The following AADACL3 variants were observed in gnomAD, a reference collection of about 807,000 sequenced individuals.
AADACL3 encodes the protein arylacetamide deacetylase-like 3.
A neutral mutation model predicts 13.6 loss-of-function variants in AADACL3; 13 were observed. The observed-to-expected ratio is 0.95, with a 90% CI of 0.62 to 1.52. AADACL3 has a LOEUF of 1.52. Among genes scored for constraint, AADACL3 ranks in the 40% most tolerant of loss-of-function variants. The pLI is 0.00. For missense variants in AADACL3, 519 were observed against 499.2 expected (o/e 1.04, Z -0.38); for synonymous variants, 195 against 197.0 (o/e 0.99, Z 0.08).
chr1:12,719,831 G>A, intron 2 of AADACL3, 140 bp downstream of exon 2: 1 of 807,692 alleles, frequency 1.2e-6, no homozygotes, highest in Non-Finnish European at 2.0e-6. Context: ...GCAGATCATT[G>A]AGGGGGCAAA....
At chr1:12,721,477 G>A (rs1312291889) in intron 3 of AADACL3, among the ~76,000 whole-genome samples, 1 of 152,174 alleles carries the variant, frequency 6.6e-6, no homozygotes, top group African/African-American at 2.4e-5. Flanking sequence ...AGAGAATGGG[G>A]AACCCCTTCC....
chr1:12,718,043 G>A (rs548312436), intron 1 of AADACL3, among the ~76,000 whole-genome samples: 2 of 152,116 alleles, frequency 1.3e-5, no homozygotes, highest in South Asian at 2.1e-4. Flanking sequence ...TAGATATTGC[G>A]AAAACTCATG....
At chr1:12,718,425 C>T (rs1648489369) in intron 1 of AADACL3, among the ~76,000 whole-genome samples, 2 of 150,524 alleles carry the variant, frequency 1.3e-5, no homozygotes, top group African/African-American at 4.9e-5. Context: ...GCCAAAATGG[C>T]TGTGGCACAG....
intron 3 of AADACL3, among the ~76,000 whole-genome samples, chr1:12,721,466 CAG>C (rs1407316771): frequency 6.6e-6 from 1 of 152,118 alleles, no homozygotes; most frequent in African/African-American, 2.4e-5. Context: ...GATGGAGAGA[CAG>C]AGAATGGGGA....
At position 12,727,265 on chromosome 1, in the gene AADACL3, G is replaced by C. The variant is rs1466945512; in HGVS notation, c.*1269G>C. The C allele has an allele frequency of 6.6e-6, 1 of 152,246 alleles. No homozygotes were observed. The highest frequency in any genetic ancestry group is 1.5e-5 in the Non-Finnish European group (1 of 68,070). 9.4% of individuals were successfully genotyped at this position (152,246 alleles called of 1,614,324 possible). On this transcript the variant is annotated 3_prime_UTR_variant, in exon 4 of 4. Transcript: ENST00000359318. Reference sequence around the variant, plus strand: ...AAGTCCTATGCCATCCTGAGAGTGGGGGGTGGAGTCAATTCACCTTGGTGC... The same window carrying C: ...AAGTCCTATGCCATCCTGAGAGTGGCGGGTGGAGTCAATTCACCTTGGTGC...
intron 3 of AADACL3, among the ~76,000 whole-genome samples, chr1:12,722,780 G>A (rs1287527125): frequency 6.6e-6 from 1 of 151,938 alleles, no homozygotes; most frequent in Non-Finnish European, 1.5e-5. Flanking sequence ...AGGTAGGCAG[G>A]GCAGCCATGG....
At position 12,725,382 on chromosome 1, in the gene AADACL3, C is replaced by T; in HGVS notation, c.610C>T (p.Gln204Ter). 1 of 1,614,132 alleles carries T rather than the reference C, an allele frequency of 6.2e-7. No individual in the cohort carries two copies. Among genetic ancestry groups the T allele is most frequent in the South Asian group, 1.1e-5 (1 of 91,054 alleles). ...AGGGGCAATAGCCGCAGTGGTTTGT[C>T]AACAACTTGTGGACAGGCCAGATCT... ...FGGAIAAVVC[Q>*]QLVDRPDLPR... The change falls in exon 4 of 4, where the codon CAA (glutamine) becomes TAA (stop). Residue 204 changes from glutamine (Q) to a stop codon, truncating the protein, a stop_gained. Transcript: ENST00000359318. LOFTEE classifies it low-confidence loss of function (END_TRUNC).
intron 1 of AADACL3, among the ~76,000 whole-genome samples, chr1:12,716,745 A>G (rs1229865219): frequency 6.6e-6 from 1 of 152,204 alleles, no homozygotes; most frequent in African/African-American, 2.4e-5. Context: ...ACGTGTCCAT[A>G]AATGTGTCCA....
chr1:12,717,766 G>C (rs758372019), intron 1 of AADACL3, among the ~76,000 whole-genome samples: 4 of 152,162 alleles, frequency 2.6e-5, no homozygotes, highest in Non-Finnish European at 5.9e-5. Context: ...AGCCGAGCAG[G>C]GCTTCTCTCC....
intron 1 of AADACL3, among the ~76,000 whole-genome samples, chr1:12,718,596 A>C (rs3000856): frequency 1.3e-5 from 2 of 151,922 alleles, no homozygotes; most frequent in East Asian, 1.9e-4. Flanking sequence ...TCTAGGGTTC[A>C]AGAGATTCTT....
rs1638368470 is a variant in AADACL3 at position 12,726,224 on chromosome 1, C to T, written c.*228C>T. The T allele has an allele frequency of 1.8e-6, 1 of 545,712 alleles. No homozygotes were observed. The allele number at this position is 545,712 out of a possible 1,614,324, so 33.8% of individuals were successfully genotyped here. ...AGGTGGGAGTGTGGCTGTCTCTATT[C>T]TCTGTTGGGAAAACCTGGGCTGACA... On this transcript the variant is annotated 3_prime_UTR_variant, in exon 4 of 4. Transcript: ENST00000359318.
intron 3 of AADACL3, among the ~76,000 whole-genome samples, chr1:12,722,991 A>C (rs1638298352): frequency 6.6e-6 from 1 of 152,066 alleles, no homozygotes; most frequent in African/African-American, 2.4e-5. Context: ...AACACCAGCT[A>C]ATTTATTTAA....
chr1:12,719,326 C>T, intron 1 of AADACL3, 149 bp from the exon 2 acceptor site: 3 of 761,976 alleles, frequency 3.9e-6, no homozygotes, highest in East Asian at 4.9e-5. Context: ...CCTGAGGGAA[C>T]TGAGGGCTTG....
chr1:12,722,197 TG>T (rs1638273071), intron 3 of AADACL3, among the ~76,000 whole-genome samples: 1 of 151,892 alleles, frequency 6.6e-6, no homozygotes, highest in African/African-American at 2.4e-5. Flanking sequence ...TGTGGTGGCA[TG>T]TGCCTGTAGC....
At position 12,728,587 on chromosome 1, in the gene AADACL3, C is replaced by G. The variant is rs1638419081; in HGVS notation, c.*2591C>G. ...TCTGCGTGGGTTTTCTCTGAGTTCT[C>G]CAGCTTCCTCCCACATTCCAAAGAT... On this transcript the variant is annotated 3_prime_UTR_variant, in exon 4 of 4. Coordinates refer to ENST00000359318, the MANE Select transcript of AADACL3 (RefSeq NM_001103170.3). The G allele has an allele frequency of 6.6e-6, 1 of 152,318 alleles. No homozygotes were observed. The highest frequency in any genetic ancestry group is 2.4e-5 in the African/African-American group (1 of 41,454). The allele number at this position is 152,318 out of a possible 1,614,324, so 9.4% of individuals were successfully genotyped here. A position where few individuals can be genotyped will look rare whatever the true frequency, so the allele number is the denominator to read the frequency against.
chr1:12,721,381 C>A (rs377509845), intron 3 of AADACL3, among the ~76,000 whole-genome samples: 1 of 151,960 alleles, frequency 6.6e-6, no homozygotes, highest in African/African-American at 2.4e-5. Flanking sequence ...GGTGACAGAA[C>A]AAGACCCTGT....
Position 12,720,964 on chromosome 1 carries a change from C to G in AADACL3, c.449+18C>G. The stretch of plus-strand genomic sequence containing the variant: ...GCAGTTGGGTGAGTAAAGGGGAGAT[C>G]CCAGGGAGCCAGCAAGGAGCAAGGC... On this transcript the variant is annotated intron_variant, in intron 3 of 3. Transcript: ENST00000359318. 6.3e-7 allele frequency: 1 copy of G among 1,598,478 alleles called. No homozygotes were observed. Among genetic ancestry groups the G allele is most frequent in the South Asian group, 1.1e-5 (1 of 90,650 alleles).
chr1:12,722,799 G>A (rs529240939), intron 3 of AADACL3, among the ~76,000 whole-genome samples: 64 of 152,074 alleles, frequency 4.2e-4, no homozygotes, highest in Middle Eastern at 3.4e-3. Flanking sequence ...GGTGTTGAGT[G>A]TGCATAGCTT....
chr1:12,718,461 G>A (rs909857323), intron 1 of AADACL3, among the ~76,000 whole-genome samples: 1 of 151,784 alleles, frequency 6.6e-6, no homozygotes, highest in African/African-American at 2.4e-5. Flanking sequence ...CACTGGAAAG[G>A]ATACCCAGAG....
Sources: gnomAD v4.1 joint callset for allele counts (sites outside exome capture counted in the v4.1 genomes callset) on GRCh38, gnomAD v4.1.1 for gene constraint, MANE v1.5 for transcripts, NCBI Gene and HGNC (gene_info 2026-07-23, HGNC 2026-07-21) for gene names.